ZBTB16: variants seen among roughly 807,000 people sequenced by gnomAD.
ZBTB16 encodes the protein zinc finger and BTB domain containing 16.
In ZBTB16, 8 loss-of-function variants were observed where a neutral mutation model predicts 56.8. That is an observed-to-expected ratio of 0.14 (90% CI 0.08 to 0.25). ZBTB16 has a LOEUF of 0.25. Among genes scored for constraint, ZBTB16 ranks in the 10% least tolerant of loss-of-function variants. The pLI is 1.00. For synonymous variants in ZBTB16, 363 were observed against 368.5 expected, an observed-to-expected ratio of 0.98 and a Z score of 0.17; for missense variants, 625 against 903.0, an observed-to-expected ratio of 0.69 and a Z score of 3.95.
chr11:114,092,761 C>T (rs1940240075), intron 2 of ZBTB16, among the ~76,000 whole-genome samples: 1 of 152,138 alleles, frequency 6.6e-6, no homozygotes, highest in Non-Finnish European at 1.5e-5. Context: ...TTGGCTTGCA[C>T]AGGGCTCTCT....
At chr11:114,068,935 T>G (rs1376483751) in intron 2 of ZBTB16, among the ~76,000 whole-genome samples, 2 of 152,312 alleles carry the variant, frequency 1.3e-5, no homozygotes, top group East Asian at 3.9e-4. Context: ...TAGTCCCTAG[T>G]CTCCCATGGC....
chr11:114,236,406 C>T (rs775135264), intron 4 of ZBTB16, among the ~76,000 whole-genome samples: 1 of 152,188 alleles, frequency 6.6e-6, no homozygotes. Context: ...GATCTTTGGA[C>T]TGTTTCACTG....
At chr11:114,115,956 C>T (rs1941159898) in intron 2 of ZBTB16, among the ~76,000 whole-genome samples, 1 of 152,100 alleles carries the variant, frequency 6.6e-6, no homozygotes, top group African/African-American at 2.4e-5. Context: ...CTGGCTATAC[C>T]CCCTCCCCAC....
intron 2 of ZBTB16, among the ~76,000 whole-genome samples, chr11:114,136,004 C>G (rs778173177): frequency 6.6e-6 from 1 of 152,148 alleles, no homozygotes; most frequent in Non-Finnish European, 1.5e-5. Context: ...TCCTTTTCTT[C>G]GGTGAGTTCC....
chr11:114,195,516 C>A (rs1434126287), intron 4 of ZBTB16, among the ~76,000 whole-genome samples: 1 of 152,140 alleles, frequency 6.6e-6, no homozygotes, highest in Non-Finnish European at 1.5e-5. Context: ...GAGGACATTA[C>A]TTCCTAGGAA....
At chr11:114,094,279 C>T (rs568097950) in intron 2 of ZBTB16, among the ~76,000 whole-genome samples, 2 of 152,262 alleles carry the variant, frequency 1.3e-5, no homozygotes, top group Admixed American at 6.5e-5. Flanking sequence ...TGTGCCACTG[C>T]ACTCCAGCCT....
chr11:114,208,780 A>G (rs772597190), intron 4 of ZBTB16, among the ~76,000 whole-genome samples: 4 of 152,238 alleles, frequency 2.6e-5, no homozygotes, highest in Non-Finnish European at 4.4e-5. Flanking sequence ...GGAATGATAG[A>G]GAAAATAATG....
At chr11:114,099,730 G>A (rs1231547547) in intron 2 of ZBTB16, among the ~76,000 whole-genome samples, 1 of 152,188 alleles carries the variant, frequency 6.6e-6, no homozygotes, top group Non-Finnish European at 1.5e-5. Flanking sequence ...TCTTCTTCAC[G>A]TGGCCTTCCA....
In ZBTB16 at chr11:114,250,400, A is replaced by G; in HGVS notation, c.1867A>G (p.Thr623Ala). 6.2e-7 allele frequency: 1 copy of G among 1,614,118 alleles called. No individual in the cohort carries two copies. The highest frequency in any genetic ancestry group is 8.5e-7 in the Non-Finnish European group (1 of 1,180,032). ...CTCGGCCATGATCAAGCACCTGAGA[A>G]CGCACAACGGCGCCTCGCCCTACCA... ...DYSAMIKHLR[T>A]HNGASPYQCT... is the part of the protein sequence containing the mutation. Residue 623 changes from threonine to alanine, a missense_variant, in exon 7 of 7, where the codon ACG (threonine) becomes GCG (alanine). Around this residue, in one of 6 missense-constraint regions of ZBTB16, gnomAD observed 40 missense variants for 93.2 expected, o/e 0.43. Transcript: ENST00000335953. This position sits in a 1 kb window ranked among gnomAD's most constrained non-coding sequence, Gnocchi z 6.0.
Position 114,186,980 on chromosome 11 carries a change from G to A in ZBTB16, c.1395G>A (p.Gln465=). The change falls in exon 4 of 7, where the codon CAG becomes CAA. Residue 465 remains glutamine, a synonymous_variant. Coordinates refer to ENST00000335953, the MANE Select transcript of ZBTB16 (RefSeq NM_006006.6). ...SAGAKAFVCD[Q]CGAQFSKEDA... ...GTGCCAAAGCCTTTGTCTGTGATCA[G>A]TGCGGTGCACAGTTTTCGAAGGAGG... is the stretch of plus-strand genomic sequence containing the variant. 1.2e-6 allele frequency: 2 copies of A among 1,614,108 alleles called. No individual in the cohort carries two copies. Among genetic ancestry groups the A allele is most frequent in the Non-Finnish European group, 1.7e-6 (2 of 1,180,006 alleles).
chr11:114,106,792 G>A (rs1211020125), intron 2 of ZBTB16, among the ~76,000 whole-genome samples: 4 of 152,006 alleles, frequency 2.6e-5, no homozygotes, highest in Non-Finnish European at 1.5e-5. Flanking sequence ...CTTTTCTGAT[G>A]GAAAAGAAAT....
rs1424209749 is a variant in ZBTB16 at position 114,252,272 on chromosome 11, C to A, written c.*1717C>A. Among the ~76,000 whole-genome samples, 1 of 151,714 alleles carries A rather than the reference C, an allele frequency of 6.6e-6. No homozygotes were observed. The highest frequency in any genetic ancestry group is 1.5e-5 in the Non-Finnish European group (1 of 67,992). On this transcript the variant is annotated 3_prime_UTR_variant, in exon 7 of 7. Coordinates refer to ENST00000335953, the MANE Select transcript of ZBTB16 (RefSeq NM_006006.6). ...CCCACCTTTCTTACAATTTGCTGGG[C>A]CATTGAGGTTTGAGGGCCTGTGTTT...
chr11:114,074,748 A>G (rs948708721), intron 2 of ZBTB16, among the ~76,000 whole-genome samples: 3 of 152,234 alleles, frequency 2.0e-5, no homozygotes, highest in Non-Finnish European at 2.9e-5. Flanking sequence ...GGTCAGGAGA[A>G]CTTGTCCTGT....
chr11:114,074,907 T>C (rs1455306182), intron 2 of ZBTB16, among the ~76,000 whole-genome samples: 1 of 152,188 alleles, frequency 6.6e-6, no homozygotes, highest in Non-Finnish European at 1.5e-5. Context: ...TTGTGGTATG[T>C]TGCAGCCTTG....
intron 2 of ZBTB16, among the ~76,000 whole-genome samples, chr11:114,106,975 A>G (rs1173404585): frequency 6.6e-6 from 1 of 152,144 alleles, no homozygotes; most frequent in Admixed American, 6.5e-5. Flanking sequence ...AAAGCACAGT[A>G]GTTTCGACGA....
In ZBTB16 at chr11:114,112,450, C is replaced by T. The variant is rs1264649836; in HGVS notation, c.1269-43887C>T. 3.3e-5 allele frequency among the ~76,000 whole-genome samples: 5 copies of T among 151,884 alleles called. 1 individual carries two copies. Among genetic ancestry groups the T allele is most frequent in the Admixed American group, 2.0e-4 (3 of 15,236 alleles). On this transcript the variant is annotated intron_variant, in intron 2 of 6. Transcript: ENST00000335953. The stretch of plus-strand genomic sequence containing the variant: ...GAGAGCAAGGGAGGGATAGAGAGGG[C>T]ACGAAGATGAGGAAGGGAGGGATGA...
In ZBTB16 at chr11:114,060,095, C is replaced by T. The variant is rs35350137; in HGVS notation, c.-91+213C>T. Among the ~76,000 whole-genome samples, 3 of 152,154 alleles carry T rather than the reference C, an allele frequency of 2.0e-5. No homozygotes were observed. The highest frequency in any genetic ancestry group is 7.2e-5 in the African/African-American group (3 of 41,450). ...AGAAGGGGGAGCCCCGGCTGTCAGCCTGGGCGCAGCTGCCTCCCCAGCCCT... is the reference window on the plus strand; with the variant it reads ...AGAAGGGGGAGCCCCGGCTGTCAGCTTGGGCGCAGCTGCCTCCCCAGCCCT... On this transcript the variant is annotated intron_variant, in intron 1 of 6. Coordinates refer to ENST00000335953, the MANE Select transcript of ZBTB16 (RefSeq NM_006006.6). The surrounding 1 kb of genome is among the most constrained non-coding windows in gnomAD (Gnocchi z 6.0).
At chr11:114,232,106 C>T (rs981883074) in intron 4 of ZBTB16, among the ~76,000 whole-genome samples, 3 of 152,116 alleles carry the variant, frequency 2.0e-5, no homozygotes, top group Non-Finnish European at 4.4e-5. Flanking sequence ...TGCTCCGTCC[C>T]GATGTTCCCC....
chr11:114,186,901 G>C, intron 3 of ZBTB16, 51 bp from the exon 4 acceptor site: 1 of 1,578,594 alleles, frequency 6.3e-7, no homozygotes, highest in African/African-American at 1.3e-5. Flanking sequence ...GGACCTCCCC[G>C]CTCACCAGTG....
Sources: gnomAD v4.1 joint callset for allele counts (sites outside exome capture counted in the v4.1 genomes callset) on GRCh38, gnomAD v4.1.1 for gene constraint, gnomAD v4.1.1 regional missense constraint, Gnocchi (gnomAD v3.1) non-coding constraint, MANE v1.5 for transcripts, NCBI Gene and HGNC (gene_info 2026-07-23, HGNC 2026-07-21) for gene names.